BEND5: variants seen among roughly 807,000 people sequenced by gnomAD.
The protein encoded by BEND5 is BEN domain containing 5.
Under a neutral mutation model 43.9 loss-of-function variants are expected in BEND5, and 22 were observed. The observed-to-expected ratio is 0.50, with a 90% CI of 0.36 to 0.72. BEND5 has a LOEUF of 0.72. BEND5 is among the 30% of genes least tolerant of loss of function. The probability of loss-of-function intolerance (pLI) is 0.00; values close to 1 mark genes in which losing one functional copy is unlikely to be tolerated. For synonymous variants in BEND5, 228 were observed against 225.9 expected (o/e 1.01, Z -0.08); for missense variants, 428 against 550.6 (o/e 0.78, Z 2.23).
intron 2 of BEND5, among the ~76,000 whole-genome samples, chr1:48,759,659 A>C (rs1409125763): frequency 6.6e-6 from 1 of 152,200 alleles, no homozygotes; most frequent in Non-Finnish European, 1.5e-5. Flanking sequence ...GGGGTGTTCA[A>C]TATGTATTTG....
At chr1:48,773,987 C>T (rs1041191265) in intron 1 of BEND5, among the ~76,000 whole-genome samples, 1 of 152,070 alleles carries the variant, frequency 6.6e-6, no homozygotes, top group African/African-American at 2.4e-5. Flanking sequence ...ATGTAAAGTC[C>T]CACAGCAGTC....
intron 3 of BEND5, among the ~76,000 whole-genome samples, chr1:48,756,629 C>T (rs1352627179): frequency 6.6e-6 from 1 of 152,310 alleles, no homozygotes; most frequent in East Asian, 1.9e-4. Flanking sequence ...TGAATCCAAG[C>T]CGTGAAAACA....
chr1:48,767,482 G>A (rs1403649496), intron 1 of BEND5, among the ~76,000 whole-genome samples: 5 of 152,178 alleles, frequency 3.3e-5, no homozygotes, highest in African/African-American at 7.2e-5. Flanking sequence ...CAAGCAAGAC[G>A]GATAAGACGT....
chr1:48,767,361 G>C (rs1453369834), intron 1 of BEND5, among the ~76,000 whole-genome samples: 1 of 152,212 alleles, frequency 6.6e-6, no homozygotes, highest in Admixed American at 6.5e-5. Flanking sequence ...GGCTACCCTT[G>C]TGTATTACCT....
chr1:48,735,560 G>C (rs982695073), intron 5 of BEND5, among the ~76,000 whole-genome samples: 1 of 151,764 alleles, frequency 6.6e-6, no homozygotes, highest in Middle Eastern at 3.2e-3. Context: ...AAAGGAGGGA[G>C]GGAGGAAGAG....
chr1:48,756,921 T>C (rs1643964811), intron 3 of BEND5, among the ~76,000 whole-genome samples: 1 of 152,210 alleles, frequency 6.6e-6, no homozygotes, highest in Non-Finnish European at 1.5e-5. Context: ...CACTGGCCTG[T>C]GCAATGGCCT....
chr1:48,747,476 A>G (rs1217497222), intron 3 of BEND5, among the ~76,000 whole-genome samples: 3 of 152,240 alleles, frequency 2.0e-5, no homozygotes, highest in African/African-American at 7.2e-5. Context: ...GGCACTGGGG[A>G]CCCAGAGACA....
At chr1:48,766,499 G>A (rs1644538376) in intron 1 of BEND5, among the ~76,000 whole-genome samples, 1 of 152,230 alleles carries the variant, frequency 6.6e-6, no homozygotes, top group Admixed American at 6.5e-5. Flanking sequence ...TCCTCAGTAA[G>A]TCTCCAGAAA....
chr1:48,745,293 G>T (rs1476329360), intron 3 of BEND5, among the ~76,000 whole-genome samples: 1 of 152,144 alleles, frequency 6.6e-6, no homozygotes, highest in Non-Finnish European at 1.5e-5. Flanking sequence ...TGTTCTGAAT[G>T]TCTGTAATCT....
chr1:48,762,818 C>A (rs12124297), intron 1 of BEND5, among the ~76,000 whole-genome samples: 14,796 of 152,034 alleles, frequency 0.097, 910 homozygotes, highest in East Asian at 0.17. Flanking sequence ...GGGATGAAGG[C>A]CCAGCTGGTC....
intron 3 of BEND5, among the ~76,000 whole-genome samples, chr1:48,750,183 G>C (rs760570672): frequency 1.3e-5 from 2 of 152,164 alleles, no homozygotes; most frequent in Non-Finnish European, 2.9e-5. Flanking sequence ...GCCTGACTCA[G>C]AGGAAAATAG....
At chr1:48,742,210 A>C (rs1025139874) in intron 4 of BEND5, among the ~76,000 whole-genome samples, 1 of 152,190 alleles carries the variant, frequency 6.6e-6, no homozygotes, top group African/African-American at 2.4e-5. Context: ...TGGTGAATGA[A>C]CACAAACTGA....
At chr1:48,742,968 GA>G (rs1650152081) in intron 3 of BEND5, among the ~76,000 whole-genome samples, 197 bp from the exon 4 acceptor site, 2 of 152,326 alleles carry the variant, frequency 1.3e-5, no homozygotes, top group East Asian at 3.9e-4. Context: ...AAAACTGGAA[GA>G]CAAGAGTGGA....
chr1:48,747,205 A>T (rs534144219), intron 3 of BEND5, among the ~76,000 whole-genome samples: 1 of 152,342 alleles, frequency 6.6e-6, no homozygotes, highest in South Asian at 2.1e-4. Flanking sequence ...ATTTTAGGTA[A>T]CAAAAGAACT....
intron 1 of BEND5, among the ~76,000 whole-genome samples, chr1:48,774,157 T>C (rs1194394766): frequency 6.6e-6 from 1 of 152,206 alleles, no homozygotes; most frequent in Non-Finnish European, 1.5e-5. Flanking sequence ...AGAGATTAAT[T>C]AATCAATTAA....
chr1:48,772,222 A>T (rs531953642), intron 1 of BEND5, among the ~76,000 whole-genome samples: 1 of 152,268 alleles, frequency 6.6e-6, no homozygotes, highest in Non-Finnish European at 1.5e-5. Context: ...GCTACAATCC[A>T]TAAGCAAGGC....
chr1:48,769,572 A>ACACACAC (rs1553230018), intron 1 of BEND5, among the ~76,000 whole-genome samples: 5 of 62,680 alleles, frequency 8.0e-5, no homozygotes, highest in South Asian at 5.4e-4. Flanking sequence ...CACACACACA[A>ACACACAC]GTTAAATTTT....
chr1:48,754,795 T>G (rs1406447922), intron 3 of BEND5, among the ~76,000 whole-genome samples: 1 of 151,624 alleles, frequency 6.6e-6, no homozygotes, highest in South Asian at 2.1e-4. Flanking sequence ...TTGTGGGGAG[T>G]AAAGGGGATG....
intron 5 of BEND5, among the ~76,000 whole-genome samples, chr1:48,731,032 GAGA>G (rs1648043765): frequency 1.3e-5 from 2 of 152,236 alleles, no homozygotes; most frequent in South Asian, 4.1e-4. Context: ...TAAAATCAAA[GAGA>G]AGAAGAAGAA....
Sources: gnomAD v4.1 joint callset for allele counts (sites outside exome capture counted in the v4.1 genomes callset) on GRCh38, gnomAD v4.1.1 for gene constraint, MANE v1.5 for transcripts, NCBI Gene and HGNC (gene_info 2026-07-23, HGNC 2026-07-21) for gene names.